Variants in SLC16A10 observed in about 807,000 individuals in gnomAD.
SLC16A10 encodes the protein monocarboxylate transporter 10.
In SLC16A10, 27 loss-of-function variants were observed where a neutral mutation model predicts 40.0. That is an observed-to-expected ratio of 0.67 (90% CI 0.50 to 0.93). SLC16A10 has a LOEUF of 0.93. Among genes scored for constraint, SLC16A10 ranks in the 40% least tolerant of loss-of-function variants. The probability of loss-of-function intolerance (pLI) is 0.00; values close to 1 mark genes in which losing one functional copy is unlikely to be tolerated. For missense variants in SLC16A10, 529 were observed against 658.2 expected, an observed-to-expected ratio of 0.80 and a Z score of 2.15; for synonymous variants, 213 against 249.8, an observed-to-expected ratio of 0.85 and a Z score of 1.39.
intron 1 of SLC16A10, among the ~76,000 whole-genome samples, chr6:111,115,264 G>T (rs1008544701): frequency 1.3e-5 from 2 of 152,194 alleles, no homozygotes; most frequent in African/African-American, 2.4e-5. Context: ...AGGCTGGAGC[G>T]CAGTGGCACG....
At chr6:111,180,839 G>A (rs79874855) in intron 3 of SLC16A10, among the ~76,000 whole-genome samples, 2,158 of 152,224 alleles carry the variant, frequency 0.014, 48 homozygotes, top group African/African-American at 0.05. Context: ...GAAGTAACTT[G>A]CTTGAGGTCA....
intron 3 of SLC16A10, among the ~76,000 whole-genome samples, chr6:111,184,688 C>A (rs1199820577): frequency 6.6e-6 from 1 of 152,028 alleles, no homozygotes; most frequent in Non-Finnish European, 1.5e-5. Context: ...ACCATGTTGG[C>A]CAGGTTGGTC....
At chr6:111,106,441 A>AT (rs1771285799) in intron 1 of SLC16A10, among the ~76,000 whole-genome samples, 1 of 152,220 alleles carries the variant, frequency 6.6e-6, no homozygotes. Context: ...TGGAAAAAAA[A>AT]GTCTGGTAAA....
intron 1 of SLC16A10, among the ~76,000 whole-genome samples, chr6:111,164,613 A>C (rs1482846336): frequency 2.0e-5 from 3 of 152,132 alleles, no homozygotes; most frequent in Non-Finnish European, 4.4e-5. Flanking sequence ...AAAAATAAAA[A>C]AATTAGTTGG....
chr6:111,149,329 A>G (rs1387178262), intron 1 of SLC16A10, among the ~76,000 whole-genome samples: 1 of 152,176 alleles, frequency 6.6e-6, no homozygotes, highest in East Asian at 1.9e-4. Context: ...AGGAATTTTG[A>G]TAAGAATTCT....
At chr6:111,173,727 G>A (rs151137544) in intron 2 of SLC16A10, among the ~76,000 whole-genome samples, 35 of 152,102 alleles carry the variant, frequency 2.3e-4, no homozygotes, top group African/African-American at 2.4e-4. Flanking sequence ...ACTTTCTCCC[G>A]TCACACCCAG....
intron 4 of SLC16A10, among the ~76,000 whole-genome samples, chr6:111,218,298 G>A (rs1354066813): frequency 2.0e-5 from 3 of 151,960 alleles, no homozygotes; most frequent in Non-Finnish European, 2.9e-5. Flanking sequence ...AGTCATTTTC[G>A]GCCAGGCGCT....
intron 1 of SLC16A10, among the ~76,000 whole-genome samples, chr6:111,095,054 A>C (rs1771049278): frequency 6.6e-6 from 1 of 152,204 alleles, no homozygotes; most frequent in Non-Finnish European, 1.5e-5. Context: ...TTTTCTGTTT[A>C]AATGCCCAGT....
intron 1 of SLC16A10, among the ~76,000 whole-genome samples, chr6:111,113,421 G>A (rs1217745950): frequency 6.6e-6 from 1 of 152,184 alleles, no homozygotes; most frequent in Non-Finnish European, 1.5e-5. Context: ...GGTGTTTTTC[G>A]ATCACATGGA....
At chr6:111,198,882 T>C (rs1280859979) in intron 3 of SLC16A10, among the ~76,000 whole-genome samples, 1 of 152,200 alleles carries the variant, frequency 6.6e-6, no homozygotes. Flanking sequence ...ATGTAAAACA[T>C]GGAAGTACAT....
At chr6:111,197,923 C>G (rs1357853994) in intron 3 of SLC16A10, among the ~76,000 whole-genome samples, 1 of 152,130 alleles carries the variant, frequency 6.6e-6, no homozygotes, top group African/African-American at 2.4e-5. Context: ...CCCACCAGGT[C>G]CCACCTCCAA....
intron 1 of SLC16A10, among the ~76,000 whole-genome samples, chr6:111,118,007 A>G (rs1047754470): frequency 6.6e-6 from 1 of 152,224 alleles, no homozygotes; most frequent in Non-Finnish European, 1.5e-5. Context: ...TGGTGTCATT[A>G]TCATGTTAAG....
At chr6:111,092,197 G>A (rs1194192865) in intron 1 of SLC16A10, among the ~76,000 whole-genome samples, 1 of 152,022 alleles carries the variant, frequency 6.6e-6, no homozygotes, top group Non-Finnish European at 1.5e-5. Flanking sequence ...AAATGCTGAC[G>A]GCATCACAGT....
chr6:111,123,053 T>A (rs1771612520), intron 1 of SLC16A10, among the ~76,000 whole-genome samples: 1 of 152,194 alleles, frequency 6.6e-6, no homozygotes, highest in South Asian at 2.1e-4. Flanking sequence ...ACTGAAAAGA[T>A]CAGCATGATC....
intron 3 of SLC16A10, among the ~76,000 whole-genome samples, chr6:111,190,596 A>T (rs1772973452): frequency 6.6e-6 from 1 of 152,230 alleles, no homozygotes; most frequent in African/African-American, 2.4e-5. Flanking sequence ...CATCCTCTGA[A>T]ATCTAGGTGG....
At chr6:111,110,337 G>A (rs892205383) in intron 1 of SLC16A10, among the ~76,000 whole-genome samples, 1 of 111,014 alleles carries the variant, frequency 9.0e-6, no homozygotes. Flanking sequence ...AGAGTCAAGC[G>A]AGGGTAACAA....
intron 1 of SLC16A10, among the ~76,000 whole-genome samples, chr6:111,144,046 G>T (rs1562411624): frequency 6.6e-6 from 1 of 151,984 alleles, no homozygotes; most frequent in East Asian, 1.9e-4. Flanking sequence ...CTCTGGTGGG[G>T]GATGTTTATA....
Position 111,177,380 on chromosome 6 carries a change from G to A in SLC16A10, c.657G>A (p.Leu219=), listed in dbSNP as rs1772705626. ...GSSVFTILLP[L]LLRVLIDSVG... Reference sequence around the variant, plus strand: ...GTGTCTTCACAATCCTGCTGCCTTTGCTCTTAAGGGTTCTGATTGACAGCG... The same window carrying A: ...GTGTCTTCACAATCCTGCTGCCTTTACTCTTAAGGGTTCTGATTGACAGCG... The change falls in exon 3 of 6, where the codon TTG becomes TTA. Residue 219 remains leucine, a synonymous_variant. Coordinates refer to ENST00000368851, the MANE Select transcript of SLC16A10 (RefSeq NM_018593.5). 1 of 1,613,746 alleles carries A rather than the reference G, an allele frequency of 6.2e-7. No individual in the cohort carries two copies. The highest frequency in any genetic ancestry group is 8.5e-7 in the Non-Finnish European group (1 of 1,179,938).
chr6:111,108,525 T>G (rs2114453457), intron 1 of SLC16A10, among the ~76,000 whole-genome samples: 1 of 152,216 alleles, frequency 6.6e-6, no homozygotes, highest in East Asian at 1.9e-4. Flanking sequence ...ATGGAGCTTA[T>G]GTTGAGAAAT....
Sources: gnomAD v4.1 joint callset for allele counts (sites outside exome capture counted in the v4.1 genomes callset) on GRCh38, gnomAD v4.1.1 for gene constraint, MANE v1.5 for transcripts, NCBI Gene and HGNC (gene_info 2026-07-23, HGNC 2026-07-21) for gene names.